Variants in KAZN observed in about 807,000 individuals in gnomAD.
KAZN encodes the protein kazrin, periplakin interacting protein.
A neutral mutation model predicts 87.4 loss-of-function variants in KAZN; 40 were observed. That is an observed-to-expected ratio of 0.46 (90% CI 0.36 to 0.60). KAZN has a LOEUF of 0.60. Among genes scored for constraint, KAZN ranks in the 20% least tolerant of loss-of-function variants. KAZN has a pLI of 0.00. For synonymous variants in KAZN, 466 were observed against 458.3 expected (o/e 1.02, Z -0.22); for missense variants, 898 against 1,073.9 (o/e 0.84, Z 2.29).
At chr1:14,227,369 G>C (rs1362891740) in intron 2 of KAZN, among the ~76,000 whole-genome samples, 1 of 152,094 alleles carries the variant, frequency 6.6e-6, no homozygotes, top group African/African-American at 2.4e-5. Context: ...TTTGGGGATG[G>C]GTCGAGTGCC....
In KAZN at chr1:14,769,479, T is replaced by C. The variant is rs1474215502; in HGVS notation, c.226+170256T>C. Among the ~76,000 whole-genome samples the C allele has an allele frequency of 2.0e-5, 3 of 152,124 alleles. No individual in the cohort carries two copies. Among genetic ancestry groups the C allele is most frequent in the Admixed American group, 6.6e-5 (1 of 15,266 alleles). On this transcript the variant is annotated intron_variant, in intron 1 of 14. Transcript: ENST00000376030. The surrounding 1 kb of genome is among the most constrained non-coding windows in gnomAD (Gnocchi z 4.1). ...AAGCGATTCTCGTGCCTCATTCTCCTGAGTATCTGGGATTACAGGCGCCCA... is the reference window on the plus strand; with the variant it reads ...AAGCGATTCTCGTGCCTCATTCTCCCGAGTATCTGGGATTACAGGCGCCCA...
chr1:14,581,340 C>T (rs1258829741), intron 2 of KAZN, among the ~76,000 whole-genome samples: 1 of 152,184 alleles, frequency 6.6e-6, no homozygotes, highest in Non-Finnish European at 1.5e-5. Context: ...ACATGTGTTG[C>T]ATTTAGCCTG....
At position 14,405,385 on chromosome 1, in the gene KAZN, C is replaced by T. The variant is rs139723628; in HGVS notation, c.250-193598C>T. 5.8e-4 allele frequency among the ~76,000 whole-genome samples: 89 copies of T among 152,214 alleles called. 2 individuals carry two copies. Among genetic ancestry groups the T allele is most frequent in the African/African-American group, 1.9e-3 (78 of 41,532 alleles). ...ATATAGATTTTCAGGAAAGCCTGTA[C>T]ATTGATTATAAAGTTTTGACACTTA... On this transcript the variant is annotated intron_variant, in intron 2 of 16. Transcript: ENST00000636203.
chr1:14,188,153 A>G (rs1401205041), intron 2 of KAZN, among the ~76,000 whole-genome samples: 1 of 151,444 alleles, frequency 6.6e-6, no homozygotes, highest in African/African-American at 2.4e-5. Flanking sequence ...TGAACATGAC[A>G]TTTAAACTTA....
chr1:14,706,494 A>G (rs1642216583), intron 1 of KAZN, among the ~76,000 whole-genome samples: 1 of 146,252 alleles, frequency 6.8e-6, no homozygotes, highest in African/African-American at 2.5e-5. Flanking sequence ...TTCCCAACAC[A>G]AAAAAAAAAT....
At chr1:14,977,161 G>A (rs1665724821) in intron 2 of KAZN, among the ~76,000 whole-genome samples, 1 of 152,256 alleles carries the variant, frequency 6.6e-6, no homozygotes, top group Admixed American at 6.5e-5. Flanking sequence ...GGGAGGGGCT[G>A]TGCTTTCCCC....
At chr1:14,564,363 G>C (rs1395166736) in intron 2 of KAZN, among the ~76,000 whole-genome samples, 1 of 152,212 alleles carries the variant, frequency 6.6e-6, no homozygotes, top group African/African-American at 2.4e-5. Context: ...AGATCTTCTA[G>C]GTTTAAATCT....
chr1:15,100,461 G>A (rs2100706595), intron 10 of KAZN, among the ~76,000 whole-genome samples: 1 of 152,274 alleles, frequency 6.6e-6, no homozygotes, highest in Middle Eastern at 3.4e-3. Flanking sequence ...ACTTAGACCA[G>A]CGCTCTCCCA....
intron 2 of KAZN, among the ~76,000 whole-genome samples, chr1:14,478,501 A>G (rs914370386): frequency 6.6e-5 from 10 of 152,220 alleles, no homozygotes; most frequent in South Asian, 6.2e-4. Flanking sequence ...GTTTCCTTCC[A>G]TAGGACAACC....
At position 14,255,478 on chromosome 1, in the gene KAZN, A is replaced by C. The variant is rs148631639; in HGVS notation, c.249+74886A>C. Reference sequence around the variant, plus strand: ...GCCCAGCAAGACGGAGGCTCACAGAAACGGAGTTTCATAAAGGAATGGCAT... The same window carrying C: ...GCCCAGCAAGACGGAGGCTCACAGACACGGAGTTTCATAAAGGAATGGCAT... On this transcript the variant is annotated intron_variant, in intron 2 of 16. Coordinates refer to the KAZN transcript ENST00000636203. Among the ~76,000 whole-genome samples, 752 of 152,354 alleles carry C rather than the reference A, an allele frequency of 4.9e-3. 6 individuals carry two copies. The highest frequency in any genetic ancestry group is 0.017 in the African/African-American group (720 of 41,574).
chr1:14,468,657 G>C (rs1377690886), intron 2 of KAZN, among the ~76,000 whole-genome samples: 1 of 152,196 alleles, frequency 6.6e-6, no homozygotes, highest in Non-Finnish European at 1.5e-5. Context: ...TAGAATCAAA[G>C]CTAAATTAGG....
chr1:14,319,013 TATTTATTTATTTA>T (rs1655857331), intron 2 of KAZN, among the ~76,000 whole-genome samples: 1 of 24,010 alleles, frequency 4.2e-5, no homozygotes, highest in Non-Finnish European at 1.7e-4. Context: ...CTTTTATTTT[TATTTATTTATTTA>T]TTTATTTATT....
intron 2 of KAZN, among the ~76,000 whole-genome samples, chr1:14,526,161 C>T (rs904023521): frequency 6.6e-6 from 1 of 152,232 alleles, no homozygotes; most frequent in Non-Finnish European, 1.5e-5. Context: ...CTTTGAAGCC[C>T]TCCTCATTGT....
chr1:14,660,697 A>G (rs749793152), intron 1 of KAZN, among the ~76,000 whole-genome samples: 1 of 151,960 alleles, frequency 6.6e-6, no homozygotes, highest in African/African-American at 2.4e-5. Context: ...CTAACTGCAA[A>G]CGACTCAGAT....
At chr1:14,972,727 C>T (rs981734725) in intron 2 of KAZN, among the ~76,000 whole-genome samples, 1 of 151,968 alleles carries the variant, frequency 6.6e-6, no homozygotes, top group East Asian at 1.9e-4. Flanking sequence ...GTTGGCCAGG[C>T]TGGTCTCGAA....
At chr1:14,706,160 A>T (rs528924866) in intron 1 of KAZN, among the ~76,000 whole-genome samples, 1 of 152,260 alleles carries the variant, frequency 6.6e-6, no homozygotes, top group Non-Finnish European at 1.5e-5. Context: ...TCTGTCACTG[A>T]TTCCCATCAC....
chr1:14,957,409 G>A (rs1042010048), intron 1 of KAZN, among the ~76,000 whole-genome samples: 2 of 152,206 alleles, frequency 1.3e-5, no homozygotes, highest in East Asian at 1.9e-4. Context: ...AGACGTTACC[G>A]AGTGCCCGTG....
intron 1 of KAZN, among the ~76,000 whole-genome samples, chr1:14,959,725 C>T (rs1663612151): frequency 6.6e-6 from 1 of 152,316 alleles, no homozygotes; most frequent in African/African-American, 2.4e-5. Flanking sequence ...CGCCTGTGCA[C>T]AGCCTGATCA....
intron 2 of KAZN, among the ~76,000 whole-genome samples, chr1:14,259,093 C>T (rs1053602493): frequency 1.3e-5 from 2 of 152,048 alleles, no homozygotes; most frequent in East Asian, 2.0e-4. Context: ...ACTTTCAACT[C>T]GGAGTTGAAG....
Sources: allele counts gnomAD v4.1 joint callset (sites outside exome capture counted in the v4.1 genomes callset), GRCh38; gene constraint gnomAD v4.1.1; non-coding constraint Gnocchi (gnomAD v3.1); transcripts MANE v1.5; gene names NCBI Gene and HGNC (gene_info 2026-07-23, HGNC 2026-07-21).